The following SERPINB2 variants were observed in gnomAD, a reference collection of about 807,000 sequenced individuals.
SERPINB2 encodes plasminogen activator inhibitor 2.
A neutral mutation model predicts 39.4 loss-of-function variants in SERPINB2; 28 were observed. The ratio of observed to expected loss-of-function variants is 0.71; its 90% confidence interval spans 0.53 to 0.97. The LOEUF is 0.97. Ranked by LOEUF, SERPINB2 falls within the 50% of genes least tolerant of loss-of-function variation. SERPINB2 has a pLI of 0.00. For missense variants in SERPINB2, 557 were observed against 505.3 expected (o/e 1.10, Z -0.98); for synonymous variants, 209 against 175.1 (o/e 1.19, Z -1.53).
chr18:63,893,041 T>G (rs2049936905), intron 2 of SERPINB2, among the ~76,000 whole-genome samples: 1 of 152,118 alleles, frequency 6.6e-6, no homozygotes. Context: ...CAAGCCATTC[T>G]CCTGCCTCAG....
chr18:63,890,243 G>T (rs181689930), intron 1 of SERPINB2: 2 of 152,064 alleles, frequency 1.3e-5, no homozygotes, highest in African/African-American at 4.8e-5. Context: ...AAGGGTTCAC[G>T]CAAGAAAGAA....
intron 2 of SERPINB2, chr18:63,892,474 C>A (rs1001277177): frequency 1.3e-5 from 2 of 152,230 alleles, no homozygotes; most frequent in African/African-American, 4.8e-5. Context: ...AGGTTAGTGA[C>A]CTCGATGTGG....
intron 3 of SERPINB2, among the ~76,000 whole-genome samples, chr18:63,895,782 A>G (rs1337361123): frequency 6.6e-6 from 1 of 152,234 alleles, no homozygotes; most frequent in Non-Finnish European, 1.5e-5. Flanking sequence ...CAATGATTGC[A>G]TGAGAAATCA....
chr18:63,893,226 C>A (rs958611075), intron 2 of SERPINB2, among the ~76,000 whole-genome samples: 1 of 152,052 alleles, frequency 6.6e-6, no homozygotes, highest in African/African-American at 2.4e-5. Flanking sequence ...GTGCACCCGG[C>A]CTAGGTTTTT....
chr18:63,891,326 C>T lies in SERPINB2; in HGVS notation c.-9-110C>T, dbSNP rs1263480492. The stretch of plus-strand genomic sequence containing the variant: ...ATGTTGTTCCATGAGGAAGAACAGA[C>T]AGGGAATCTGTCCCTACACAGAATG... On this transcript the variant is annotated intron_variant, in intron 1 of 7. Coordinates refer to ENST00000299502, the MANE Select transcript of SERPINB2 (RefSeq NM_002575.3). 9.2e-6 allele frequency: 10 copies of T among 1,090,746 alleles called. No individual in the cohort carries two copies. In the South Asian group the frequency reaches 1.0e-4, roughly 11 times the overall value. 67.6% of individuals were successfully genotyped at this position (1,090,746 alleles called of 1,614,324 possible). A position where few individuals can be genotyped will look rare whatever the true frequency, so the allele number is the denominator to read the frequency against.
intron 4 of SERPINB2, 62 bp downstream of exon 4, chr18:63,897,281 G>A (rs1599061514): frequency 6.4e-7 from 1 of 1,565,702 alleles, no homozygotes; most frequent in South Asian, 1.2e-5. Flanking sequence ...CACTTTCAAA[G>A]CAGTTCTCTA....
chr18:63,892,496 T>C (rs2049933196), intron 2 of SERPINB2: 1 of 152,222 alleles, frequency 6.6e-6, no homozygotes, highest in Non-Finnish European at 1.5e-5. Context: ...CATGATATCA[T>C]TAAAATTCCT....
At chr18:63,894,814 T>A (rs922444348) in intron 2 of SERPINB2, among the ~76,000 whole-genome samples, 2 of 152,246 alleles carry the variant, frequency 1.3e-5, no homozygotes, top group Non-Finnish European at 2.9e-5. Flanking sequence ...TTTTATGCCT[T>A]AGCTGACTCT....
chr18:63,901,756 G>A lies in SERPINB2; in HGVS notation c.552G>A (p.Leu184=), dbSNP rs760738260. The A allele has an allele frequency of 3.9e-6, 6 of 1,551,386 alleles. No homozygotes were observed. In the Admixed American group the frequency reaches 7.0e-5, roughly 18 times the overall value. The part of the protein sequence containing the change: ...KTQTKGKIPN[L]LPEGSVDGDT... ...TTTCTGTAGGCAAAATCCCAAACTT[G>A]TTACCTGAAGGTTCTGTAGATGGGG... is the stretch of plus-strand genomic sequence containing the variant. Residue 184 remains leucine (L), a synonymous_variant, in exon 6 of 8, where the codon TTG becomes TTA. Coordinates refer to ENST00000299502, the MANE Select transcript of SERPINB2 (RefSeq NM_002575.3).
At position 63,897,197 on chromosome 18, in the gene SERPINB2, A is replaced by C. The variant is rs748821547; in HGVS notation, c.395A>C (p.Glu132Ala). The C allele has an allele frequency of 1.1e-5, 17 of 1,611,396 alleles. No individual in the cohort carries two copies. The South Asian group carries it at 1.5e-4, about 15-fold the overall frequency. Residue 132 changes from glutamate to alanine, a missense_variant, in exon 4 of 8, where the codon GAG (glutamate) becomes GCG (alanine). Glu to Ala is a moderately radical substitution (Grantham distance 107). Transcript: ENST00000299502. ...GAAAGTGTCAATAAGCTGTTTGGTG[A>C]GAAGTCTGCGAGCTTCCGGGAAGTA... ...LLESVNKLFG[E>A]KSASFREEYI... is the part of the protein sequence containing the mutation.
intron 5 of SERPINB2, among the ~76,000 whole-genome samples, chr18:63,899,474 A>G (rs142479393): frequency 6.6e-6 from 1 of 152,334 alleles, no homozygotes; most frequent in East Asian, 1.9e-4. Flanking sequence ...CTGAATAATA[A>G]CATATAAATG....
intron 1 of SERPINB2, among the ~76,000 whole-genome samples, chr18:63,888,782 T>C (rs896600670): frequency 3.9e-5 from 6 of 152,224 alleles, no homozygotes; most frequent in African/African-American, 1.4e-4. Context: ...AGTAATACTA[T>C]TAAACCTTAA....
chr18:63,890,284 C>T (rs2049917501), intron 1 of SERPINB2, among the ~76,000 whole-genome samples: 1 of 152,152 alleles, frequency 6.6e-6, no homozygotes, highest in Admixed American at 6.5e-5. Flanking sequence ...GAGAGCAATG[C>T]TGTGTGAGAC....
At chr18:63,891,342 A>T in intron 1 of SERPINB2, 94 bp from the exon 2 acceptor site, 1 of 1,281,576 alleles carries the variant, frequency 7.8e-7, no homozygotes, top group Non-Finnish European at 1.1e-6. Flanking sequence ...ATCTGTCCCT[A>T]CACAGAATGC....
In SERPINB2 at chr18:63,897,031, A is replaced by C. The variant is rs2049963568; in HGVS notation, c.289-60A>C. 3 of 1,506,954 alleles carry C rather than the reference A, an allele frequency of 2.0e-6. No homozygotes were observed. The Admixed American group carries it at 6.0e-5, about 30-fold the overall frequency. The allele number at this position is 1,506,954 out of a possible 1,614,324, so 93.3% of individuals were successfully genotyped here. On this transcript the variant is annotated intron_variant, in intron 3 of 7. Transcript: ENST00000299502. ...ATTCAAAAACTATTACCATGGCTTA[A>C]GAACTATCTTGTTTAGTAGTTCTGT...
chr18:63,888,006 C>T (rs1375203780), intron 1 of SERPINB2, among the ~76,000 whole-genome samples: 15 of 152,144 alleles, frequency 9.9e-5, no homozygotes, highest in Admixed American at 9.8e-4. Flanking sequence ...ACCTTTGTAG[C>T]ATTAACCAAA....
chr18:63,890,782 A>G (rs73475996), intron 1 of SERPINB2: 15,620 of 152,226 alleles, frequency 0.1, 2,648 homozygotes, highest in African/African-American at 0.36. Context: ...TGGTGCATAT[A>G]GGGAAGGGGT....
At chr18:63,890,264 G>A (rs1297347822) in intron 1 of SERPINB2, among the ~76,000 whole-genome samples, 1 of 152,074 alleles carries the variant, frequency 6.6e-6, no homozygotes, top group Non-Finnish European at 1.5e-5. Context: ...GCGACCAATG[G>A]TCCTTGTTGG....
At chr18:63,902,770 C>T (rs1393515685) in intron 7 of SERPINB2, 131 bp from the exon 8 acceptor site, 2 of 1,153,566 alleles carry the variant, frequency 1.7e-6, no homozygotes, top group Non-Finnish European at 2.4e-6. Flanking sequence ...TCTGACCAAT[C>T]TGTTAACTTT....
Sources: gnomAD v4.1 joint callset for allele counts (sites outside exome capture counted in the v4.1 genomes callset) on GRCh38, gnomAD v4.1.1 for gene constraint, MANE v1.5 for transcripts, NCBI Gene and HGNC (gene_info 2026-07-23, HGNC 2026-07-21) for gene names.